The following AKAP13 variants were observed in gnomAD, a reference collection of about 807,000 sequenced individuals.
AKAP13 encodes the protein A-kinase anchoring protein 13.
In AKAP13, 80 loss-of-function variants were observed where a neutral mutation model predicts 264.5. That is an observed-to-expected ratio of 0.30 (90% confidence interval 0.25 to 0.36). The LOEUF (loss-of-function observed/expected upper bound fraction) is 0.36. AKAP13 is among the 10% of genes least tolerant of loss of function. The pLI is 1.00. For missense variants in AKAP13, 3,712 were observed against 3,435.2 expected, an observed-to-expected ratio of 1.08 and a Z score of -2.01; for synonymous variants, 1,380 against 1,250.2, an observed-to-expected ratio of 1.10 and a Z score of -2.19.
At chr15:85,458,402 T>G (rs1488758293) in intron 1 of AKAP13, among the ~76,000 whole-genome samples, 1 of 149,014 alleles carries the variant, frequency 6.7e-6, no homozygotes, top group Non-Finnish European at 1.5e-5. Context: ...TGTTTTTTTT[T>G]TTTTTTACTA....
At chr15:85,650,778 AAAAAAAAAAAAACAAC>A (rs1462007405) in intron 10 of AKAP13, among the ~76,000 whole-genome samples, 38 of 146,500 alleles carry the variant, frequency 2.6e-4, no homozygotes, top group Non-Finnish European at 4.8e-4. Context: ...AAAAAAAAAA[AAAAAAAAAAAAACAAC>A]AAAAACTGCA....
intron 7 of AKAP13, 117 bp from the exon 8 acceptor site, chr15:85,585,585 T>C (rs1233527686): frequency 2.1e-6 from 3 of 1,417,922 alleles, no homozygotes; most frequent in Non-Finnish European, 2.9e-6. Context: ...AAGAATACTT[T>C]TCCATTTTAA....
chr15:85,638,274 G>A (rs1353395021), intron 8 of AKAP13, among the ~76,000 whole-genome samples: 8 of 152,072 alleles, frequency 5.3e-5, no homozygotes. Context: ...TGATCACAGA[G>A]CATACTTTTT....
intron 16 of AKAP13, among the ~76,000 whole-genome samples, chr15:85,692,497 A>G (rs896875595): frequency 6.6e-5 from 10 of 151,164 alleles, no homozygotes; most frequent in Middle Eastern, 3.4e-3. Context: ...GGTGGTGGTG[A>G]TGGTGGTGGT....
chr15:85,712,036 G>A (rs961368918), intron 19 of AKAP13, among the ~76,000 whole-genome samples: 5 of 152,114 alleles, frequency 3.3e-5, no homozygotes, highest in Non-Finnish European at 5.9e-5. Context: ...GTCTCACTAC[G>A]TTGCCCAGGC....
intron 1 of AKAP13, among the ~76,000 whole-genome samples, chr15:85,437,793 A>T (rs1284568586): frequency 6.6e-6 from 1 of 152,192 alleles, no homozygotes; most frequent in Admixed American, 6.5e-5. Context: ...CTCTCAATAA[A>T]TTAGGTATTG....
chr15:85,716,004 T>C, intron 20 of AKAP13, 81 bp downstream of exon 20: 1 of 1,333,888 alleles, frequency 7.5e-7, no homozygotes, highest in African/African-American at 1.6e-5. Context: ...ACAAAAAGCT[T>C]TTTTTTTTTT....
intron 10 of AKAP13, among the ~76,000 whole-genome samples, chr15:85,652,803 A>G (rs571758364): frequency 1.2e-4 from 18 of 151,922 alleles, no homozygotes; most frequent in East Asian, 3.9e-4. Flanking sequence ...CTGCACTCCA[A>G]TCTCTCCTCT....
intron 8 of AKAP13, among the ~76,000 whole-genome samples, chr15:85,620,738 C>T (rs1351138451): frequency 6.6e-6 from 1 of 152,164 alleles, no homozygotes; most frequent in African/African-American, 2.4e-5. Flanking sequence ...GGTTTGACTG[C>T]TTTTCAGAGG....
At position 85,723,054 on chromosome 15, in the gene AKAP13, T is replaced by C; in HGVS notation, c.6497-18T>C. ...CCAAAAAGAGCCATAAAAAACAGAA[T>C]TATTCTTTCCTTCCAAGACAATGAA... is the stretch of plus-strand genomic sequence containing the variant. On this transcript the variant is annotated intron_variant, in intron 25 of 36. Transcript: ENST00000394518. 6.2e-7 allele frequency: 1 copy of C among 1,607,644 alleles called. No individual in the cohort carries two copies. Among genetic ancestry groups the C allele is most frequent in the South Asian group, 1.1e-5 (1 of 90,632 alleles).
At chr15:85,411,394 G>T (rs1279743151) in intron 1 of AKAP13, among the ~76,000 whole-genome samples, 1 of 152,058 alleles carries the variant, frequency 6.6e-6, no homozygotes, top group Non-Finnish European at 1.5e-5. Context: ...AAGTATTGTG[G>T]TTATCTTGAG....
intron 1 of AKAP13, among the ~76,000 whole-genome samples, chr15:85,463,132 A>T (rs1674631288): frequency 6.6e-6 from 1 of 152,158 alleles, no homozygotes. Flanking sequence ...GAATTACTGA[A>T]TTTGAAGAAC....
At chr15:85,566,721 G>A (rs1229235175) in intron 5 of AKAP13, among the ~76,000 whole-genome samples, 1 of 151,374 alleles carries the variant, frequency 6.6e-6, no homozygotes, top group African/African-American at 2.4e-5. Context: ...CTGCCTCTTG[G>A]GTTCAAGCGA....
At position 85,581,242 on chromosome 15, in the gene AKAP13, C is replaced by T. The variant is rs1218353898; in HGVS notation, c.3174C>T (p.Asn1058=). The change falls in exon 7 of 37, where the codon AAC becomes AAT. Residue 1058 remains asparagine (N), a synonymous_variant. Transcript: ENST00000394518. ...GGTCTGATGGGTCCGATGCTCTTAA[C>T]TGCAGTCAGCCTTCTCCTCTGGATG... ...PDGSDGSDAL[N]CSQPSPLDVG... The T allele has an allele frequency of 6.2e-7, 1 of 1,614,186 alleles. No homozygotes were observed. The highest frequency in any genetic ancestry group is 1.7e-5 in the Admixed American group (1 of 60,026).
At chr15:85,533,356 G>GT (rs1166419908) in intron 3 of AKAP13, among the ~76,000 whole-genome samples, 3 of 152,116 alleles carry the variant, frequency 2.0e-5, no homozygotes, top group African/African-American at 2.4e-5. Context: ...GGGATACAAA[G>GT]TTTTTTGTTT....
At chr15:85,600,378 A>G (rs181825366) in intron 8 of AKAP13, among the ~76,000 whole-genome samples, 406 of 152,184 alleles carry the variant, frequency 2.7e-3, no homozygotes, top group African/African-American at 9.3e-3. Flanking sequence ...GTTTTATCAC[A>G]TAACCAACTA....
intron 5 of AKAP13, among the ~76,000 whole-genome samples, chr15:85,570,089 A>AAAAC (rs1170807669): frequency 6.7e-6 from 1 of 150,002 alleles, no homozygotes; most frequent in Non-Finnish European, 1.5e-5. Flanking sequence ...AAAAAAAAAA[A>AAAAC]AAAAAACCAC....
At chr15:85,613,387 T>G (rs930634349) in intron 8 of AKAP13, among the ~76,000 whole-genome samples, 1 of 152,098 alleles carries the variant, frequency 6.6e-6, no homozygotes, top group Non-Finnish European at 1.5e-5. Flanking sequence ...TTACTTAATC[T>G]TAGGAGTGCT....
intron 14 of AKAP13, chr15:85,671,084 G>T (rs2083900467): frequency 6.6e-6 from 1 of 151,968 alleles, no homozygotes; most frequent in African/African-American, 2.4e-5. Flanking sequence ...AAGACCATGT[G>T]TCTCGGAGGC....
Sources: allele counts gnomAD v4.1 joint callset (sites outside exome capture counted in the v4.1 genomes callset), GRCh38; gene constraint gnomAD v4.1.1; transcripts MANE v1.5; gene names NCBI Gene and HGNC (gene_info 2026-07-23, HGNC 2026-07-21).